Variants in CMSS1 observed in about 807,000 individuals in gnomAD.
The protein encoded by CMSS1 is cms1 ribosomal small subunit homolog, also known as protein CMSS1.
A neutral mutation model predicts 43.5 loss-of-function variants in CMSS1; 33 were observed. That is an observed-to-expected ratio of 0.76 (90% CI 0.57 to 1.01). The LOEUF (loss-of-function observed/expected upper bound fraction) is 1.01. CMSS1 is among the 50% of genes least tolerant of loss of function. CMSS1 has a pLI of 0.00. For missense variants in CMSS1, 313 were observed against 326.4 expected, an observed-to-expected ratio of 0.96 and a Z score of 0.32; for synonymous variants, 115 against 117.2, an observed-to-expected ratio of 0.98 and a Z score of 0.12.
intron 1 of CMSS1, among the ~76,000 whole-genome samples, chr3:99,883,985 G>A (rs895946997): frequency 6.6e-6 from 1 of 152,174 alleles, no homozygotes; most frequent in Admixed American, 6.5e-5. Context: ...GGGGTAAACA[G>A]TACTAACAGA....
At chr3:99,978,816 C>T (rs796322587) in intron 1 of CMSS1, among the ~76,000 whole-genome samples, 18 of 151,846 alleles carry the variant, frequency 1.2e-4, no homozygotes, top group Admixed American at 3.3e-4. Context: ...ACCCAGGAGG[C>T]GGAGGCTGCA....
chr3:100,078,629 G>A (rs1194229261), intron 1 of CMSS1, among the ~76,000 whole-genome samples: 1 of 152,066 alleles, frequency 6.6e-6, no homozygotes, highest in East Asian at 1.9e-4. Flanking sequence ...TGGCTCGCTG[G>A]CCTGTAATCC....
intron 1 of CMSS1, among the ~76,000 whole-genome samples, chr3:100,051,637 G>A (rs1488644143): frequency 6.6e-6 from 1 of 151,002 alleles, no homozygotes; most frequent in Non-Finnish European, 1.5e-5. Flanking sequence ...ATAGTTTGCT[G>A]AGAATGATGG....
At chr3:99,927,452 C>G (rs1401105026) in intron 1 of CMSS1, among the ~76,000 whole-genome samples, 1 of 151,000 alleles carries the variant, frequency 6.6e-6, no homozygotes, top group Non-Finnish European at 1.5e-5. Context: ...TCATCGCGAT[C>G]TCCGCCTCCT....
chr3:99,912,402 G>C (rs1406129646), intron 1 of CMSS1, among the ~76,000 whole-genome samples: 1 of 152,084 alleles, frequency 6.6e-6, no homozygotes, highest in African/African-American at 2.4e-5. Flanking sequence ...TTTGAGACAG[G>C]GTCTTGCTTT....
At chr3:99,985,350 G>C (rs1454339357) in intron 1 of CMSS1, among the ~76,000 whole-genome samples, 2 of 151,954 alleles carry the variant, frequency 1.3e-5, no homozygotes, top group Admixed American at 1.3e-4. Context: ...CGAACAACAT[G>C]GCGAAACCTC....
chr3:100,066,128 C>T (rs1029414228), intron 1 of CMSS1, among the ~76,000 whole-genome samples: 4 of 152,204 alleles, frequency 2.6e-5, no homozygotes, highest in African/African-American at 7.2e-5. Flanking sequence ...TTCCCTTGCC[C>T]ACCTGTCAGT....
intron 1 of CMSS1, among the ~76,000 whole-genome samples, chr3:100,050,253 C>T (rs1464818410): frequency 6.6e-6 from 1 of 152,054 alleles, no homozygotes; most frequent in Non-Finnish European, 1.5e-5. Context: ...GCTGTATTAA[C>T]CTCCCTTATA....
chr3:99,985,662 C>T (rs887363249), intron 1 of CMSS1, among the ~76,000 whole-genome samples: 2 of 151,476 alleles, frequency 1.3e-5, no homozygotes, highest in Non-Finnish European at 2.9e-5. Context: ...GATCTCGGCT[C>T]ACTGCAACCT....
intron 1 of CMSS1, chr3:100,009,998 GTA>G (rs1710097893): frequency 1.3e-5 from 2 of 156,762 alleles, no homozygotes; most frequent in Admixed American, 6.6e-5. Flanking sequence ...TCCTGATCTG[GTA>G]TAGTTTCTGT....
Position 99,930,887 on chromosome 3 carries a change from T to C in CMSS1, c.64+112844T>C, listed in dbSNP as rs773891601. The C allele has an allele frequency of 3.0e-5, 49 of 1,613,198 alleles. No homozygotes were observed. In the South Asian group the frequency reaches 5.3e-4, roughly 17 times the overall value. ...TGCCTTGGGACACGGAAGTATTACATCCGACTCACTGGGGGAGTCTTTGTC... is the reference window on the plus strand; with the variant it reads ...TGCCTTGGGACACGGAAGTATTACACCCGACTCACTGGGGGAGTCTTTGTC... On this transcript the variant is annotated intron_variant, in intron 1 of 9. Coordinates refer to ENST00000421999, the MANE Select transcript of CMSS1 (RefSeq NM_032359.4).
chr3:100,118,397 T>A (rs2066593493), intron 1 of CMSS1, among the ~76,000 whole-genome samples: 2 of 152,144 alleles, frequency 1.3e-5, no homozygotes, highest in Non-Finnish European at 2.9e-5. Flanking sequence ...TTTTGAGATA[T>A]TAAATGATCC....
At chr3:99,879,299 G>A (rs961511350) in intron 1 of CMSS1, among the ~76,000 whole-genome samples, 3 of 152,182 alleles carry the variant, frequency 2.0e-5, no homozygotes, top group African/African-American at 4.8e-5. Context: ...ATTATATTAT[G>A]TCAAAGACAG....
At chr3:100,012,584 A>C (rs1375275854) in intron 1 of CMSS1, among the ~76,000 whole-genome samples, 1 of 152,068 alleles carries the variant, frequency 6.6e-6, no homozygotes, top group Non-Finnish European at 1.5e-5. Context: ...CTAGTGCTTC[A>C]GGAGGATTTC....
chr3:99,863,903 A>G (rs543809991), intron 1 of CMSS1, among the ~76,000 whole-genome samples: 4 of 152,336 alleles, frequency 2.6e-5, no homozygotes, highest in Admixed American at 1.3e-4. Flanking sequence ...ACTGTTCCTC[A>G]GCATCTTGTT....
intron 1 of CMSS1, chr3:100,023,597 G>C (rs980100986): frequency 1.4e-4 from 22 of 152,472 alleles, no homozygotes; most frequent in African/African-American, 5.1e-4. Flanking sequence ...TTTTATTTTT[G>C]CTTGGGCTGT....
At chr3:99,858,758 A>C (rs1176568130) in intron 1 of CMSS1, among the ~76,000 whole-genome samples, 1 of 152,218 alleles carries the variant, frequency 6.6e-6, no homozygotes, top group Non-Finnish European at 1.5e-5. Context: ...TTGTGTTATT[A>C]TGAAGATATC....
At chr3:100,053,231 T>C (rs1251918735) in intron 1 of CMSS1, among the ~76,000 whole-genome samples, 2 of 152,182 alleles carry the variant, frequency 1.3e-5, no homozygotes, top group African/African-American at 4.8e-5. Flanking sequence ...CCATAACAGA[T>C]TACCACAAAT....
At chr3:100,052,403 AGTG>A (rs1277151846) in intron 1 of CMSS1, among the ~76,000 whole-genome samples, 8 of 152,198 alleles carry the variant, frequency 5.3e-5, no homozygotes, top group Non-Finnish European at 1.0e-4. Context: ...GAGGGGTAGT[AGTG>A]GTGGTGATGG....
Sources: allele counts gnomAD v4.1 joint callset (sites outside exome capture counted in the v4.1 genomes callset), GRCh38; gene constraint gnomAD v4.1.1; transcripts MANE v1.5; gene names NCBI Gene and HGNC (gene_info 2026-07-23, HGNC 2026-07-21).